Variants in CHD6 observed in about 807,000 individuals in gnomAD.
The protein encoded by CHD6 is ATP-dependent chromatin remodeler CHD6.
A neutral mutation model predicts 276.9 loss-of-function variants in CHD6; 50 were observed. The observed-to-expected ratio is 0.18, with a 90% confidence interval of 0.14 to 0.23. The LOEUF (loss-of-function observed/expected upper bound fraction) is 0.23, where lower values mean the gene tolerates loss of function less well. Among genes scored for constraint, CHD6 ranks in the 10% least tolerant of loss-of-function variants. The pLI, the probability that CHD6 is intolerant of heterozygous loss-of-function variation, is 1.00. For missense variants in CHD6, 2,564 were observed against 3,365.8 expected (o/e 0.76, Z 5.89); for synonymous variants, 1,173 against 1,229.3 (o/e 0.95, Z 0.96).
intron 8 of CHD6, among the ~76,000 whole-genome samples, chr20:41,494,468 C>G (rs1321521688): frequency 6.6e-6 from 1 of 152,128 alleles, no homozygotes; most frequent in Non-Finnish European, 1.5e-5. Context: ...AAGTTTACTA[C>G]AAAACAACAA....
chr20:41,470,956 A>G (rs1569113936), intron 17 of CHD6, among the ~76,000 whole-genome samples: 1 of 152,194 alleles, frequency 6.6e-6, no homozygotes, highest in Non-Finnish European at 1.5e-5. Context: ...TGGCCATTCA[A>G]CTTTGGTTTC....
In CHD6 at chr20:41,493,619, C is replaced by T. The variant is rs368164018; in HGVS notation, c.1233G>A (p.Thr411=). 34 of 1,613,676 alleles carry T rather than the reference C, an allele frequency of 2.1e-5. No individual in the cohort carries two copies. Among genetic ancestry groups the T allele is most frequent in the Middle Eastern group, 1.6e-4 (1 of 6,082 alleles). ...KWCSLPYEES[T]WELEEDVDPA... is the part of the protein sequence containing the mutation. Reference sequence around the variant, plus strand: ...GATCTACATCTTCCTCTAGCTCCCACGTGCTTTCTTCATATGGTAGTGAGC... The same window carrying T: ...GATCTACATCTTCCTCTAGCTCCCATGTGCTTTCTTCATATGGTAGTGAGC... Residue 411 remains threonine (T), a synonymous_variant, in exon 10 of 37, where the codon ACG becomes ACA. Transcript: ENST00000373233.
At chr20:41,507,561 C>CT (rs1363801519) in intron 5 of CHD6, among the ~76,000 whole-genome samples, 3 of 151,952 alleles carry the variant, frequency 2.0e-5, no homozygotes, top group Admixed American at 6.6e-5. Flanking sequence ...AAATCAGGAT[C>CT]TTTTTTTTCC....
rs375195468 is a variant in CHD6, at chr20:41,519,809, C to A, written c.555-4857G>T. ...ACACCAAAAGCAATGGCAACAAAAG[C>A]CAAAATTGACAAATGGGATCTAATT... On this transcript the variant is annotated intron_variant, in intron 3 of 36. Coordinates refer to ENST00000373233, the MANE Select transcript of CHD6 (RefSeq NM_032221.5). Among the ~76,000 whole-genome samples, 83 of 152,186 alleles carry A rather than the reference C, an allele frequency of 5.5e-4. No individual in the cohort carries two copies. The East Asian group carries it at 0.013, about 23-fold the overall frequency.
chr20:41,612,473 A>T (rs2045896312), intron 1 of CHD6, among the ~76,000 whole-genome samples: 1 of 152,222 alleles, frequency 6.6e-6, no homozygotes, highest in African/African-American at 2.4e-5. Context: ...CATCACTTAC[A>T]ATGTGATCTG....
chr20:41,409,091 TGAG>T (rs1200718093), intron 36 of CHD6, among the ~76,000 whole-genome samples: 2 of 152,282 alleles, frequency 1.3e-5, no homozygotes, highest in African/African-American at 4.8e-5. Context: ...CCCCTCTAGA[TGAG>T]GAGAATAGCA....
intron 1 of CHD6, among the ~76,000 whole-genome samples, chr20:41,601,094 CA>C (rs1468962277): frequency 1.3e-5 from 2 of 152,238 alleles, no homozygotes; most frequent in Non-Finnish European, 2.9e-5. Flanking sequence ...ACCTGCCTGA[CA>C]AACTCCTATT....
chr20:41,479,092 G>C (rs1237132898), intron 16 of CHD6, among the ~76,000 whole-genome samples: 1 of 152,032 alleles, frequency 6.6e-6, no homozygotes, highest in Non-Finnish European at 1.5e-5. Flanking sequence ...TGCTTAATAA[G>C]CATGATGGAG....
chr20:41,566,195 G>C (rs928560372), intron 1 of CHD6, among the ~76,000 whole-genome samples: 5 of 152,150 alleles, frequency 3.3e-5, no homozygotes, highest in Admixed American at 2.6e-4. Context: ...TAGGCAGCCA[G>C]GTTGGAGGAC....
At chr20:41,413,541 A>T (rs1392936824) in intron 34 of CHD6, 26 bp from the exon 35 acceptor site, 6 of 1,477,190 alleles carry the variant, frequency 4.1e-6, no homozygotes, top group Non-Finnish European at 5.4e-6. Flanking sequence ...ACGAGTATGT[A>T]TAATCACGAC....
chr20:41,538,032 A>G (rs937654064), intron 2 of CHD6, among the ~76,000 whole-genome samples: 5 of 152,266 alleles, frequency 3.3e-5, no homozygotes, highest in Admixed American at 3.3e-4. Context: ...ATGTCCATAC[A>G]ATGGCATATT....
chr20:41,536,863 TAG>T (rs1195521391), intron 2 of CHD6, among the ~76,000 whole-genome samples: 1 of 152,152 alleles, frequency 6.6e-6, no homozygotes, highest in Non-Finnish European at 1.5e-5. Context: ...TCCTGAGGAA[TAG>T]AGAGAGAGCC....
intron 22 of CHD6, 30 bp from the exon 23 acceptor site, chr20:41,451,135 G>A (rs757188821): frequency 5.0e-6 from 8 of 1,601,160 alleles, no homozygotes; most frequent in Non-Finnish European, 6.0e-6. Context: ...TAGGGCAAGT[G>A]GATAGCCAAG....
chr20:41,404,742 A>G lies in CHD6; in HGVS notation c.7999T>C (p.Ser2667Pro). 1 of 1,604,282 alleles carries G rather than the reference A, an allele frequency of 6.2e-7. No individual in the cohort carries two copies. Among genetic ancestry groups the G allele is most frequent in the Non-Finnish European group, 8.5e-7 (1 of 1,174,900 alleles). ...KKKTKGDNPN[S>P]HPEPAPSCER... Reference sequence around the variant, plus strand: ...CAGCTGGGAGCAGGCTCTGGGTGGGAGTTGGGGTTGTCCCCCTTTGTCTTC... The same window carrying G: ...CAGCTGGGAGCAGGCTCTGGGTGGGGGTTGGGGTTGTCCCCCTTTGTCTTC... The change falls in exon 37 of 37, where the codon TCC becomes CCC. Residue 2667 changes from serine (S) to proline (P), a missense_variant. Ser to Pro is a moderately conservative substitution (Grantham distance 74). Transcript: ENST00000373233.
In CHD6 at chr20:41,486,388, G is replaced by C. The variant is rs569643725; in HGVS notation, c.2001+1277C>G. 9.2e-5 allele frequency among the ~76,000 whole-genome samples: 14 copies of C among 152,336 alleles called. No homozygotes were observed. The South Asian group carries it at 2.7e-3, about 29-fold the overall frequency. ...CCACAAATTAAGTGCAATGGGAGAA[G>C]AGGATGCATTTCTAATGGTCCAAAA... On this transcript the variant is annotated intron_variant, in intron 14 of 36. Coordinates refer to ENST00000373233, the MANE Select transcript of CHD6 (RefSeq NM_032221.5).
At chr20:41,519,743 C>G (rs925191781) in intron 3 of CHD6, among the ~76,000 whole-genome samples, 5 of 152,152 alleles carry the variant, frequency 3.3e-5, no homozygotes, top group East Asian at 1.9e-4. Context: ...CTAGGCAATA[C>G]CATTCAGGAC....
chr20:41,604,131 AC>A (rs2045802524), intron 1 of CHD6, among the ~76,000 whole-genome samples: 1 of 152,154 alleles, frequency 6.6e-6, no homozygotes, highest in South Asian at 2.1e-4. Flanking sequence ...CCCATGCTTA[AC>A]AATCCAACGA....
chr20:41,444,715 C>A (rs907920106), intron 25 of CHD6, among the ~76,000 whole-genome samples: 2 of 151,074 alleles, frequency 1.3e-5, no homozygotes, highest in African/African-American at 4.9e-5. Flanking sequence ...GCACCCAGCA[C>A]CTATTATGTA....
At chr20:41,568,435 A>G (rs111866544) in intron 1 of CHD6, among the ~76,000 whole-genome samples, 3,346 of 152,370 alleles carry the variant, frequency 0.022, 49 homozygotes, top group Non-Finnish European at 0.038. Flanking sequence ...AATACTTAGC[A>G]GAGAAAAGTT....
Sources: gnomAD v4.1 joint callset for allele counts (sites outside exome capture counted in the v4.1 genomes callset) on GRCh38, gnomAD v4.1.1 for gene constraint, MANE v1.5 for transcripts, NCBI Gene and HGNC (gene_info 2026-07-23, HGNC 2026-07-21) for gene names.